Variants in HGF observed in about 807,000 individuals in gnomAD.
HGF encodes fibroblast-derived tumor cytotoxic factor.
A neutral mutation model predicts 111.6 loss-of-function variants in HGF; 39 were observed. The ratio of observed to expected loss-of-function variants is 0.35; its 90% CI spans 0.27 to 0.46. HGF has a LOEUF of 0.46. HGF is among the 20% of genes least tolerant of loss of function. The pLI is 1.00. For missense variants in HGF, 735 were observed against 910.5 expected (o/e 0.81, Z 2.48); for synonymous variants, 285 against 294.8 (o/e 0.97, Z 0.34).
intron 2 of HGF, among the ~76,000 whole-genome samples, chr7:81,761,885 C>A (rs201717646): frequency 6.6e-6 from 1 of 152,044 alleles, no homozygotes; most frequent in African/African-American, 2.4e-5. Flanking sequence ...TCATAAGGAG[C>A]GCACACCCTA....
rs567770653 is a variant in HGF, at chr7:81,741,135, C to T, written c.865+2218G>A. ...ATTTCATCCACTTTAATAGAAGTAT[C>T]GTCTCTTTATAGTCATATCTATATC... On this transcript the variant is annotated intron_variant, in intron 7 of 17. Coordinates refer to ENST00000222390, the MANE Select transcript of HGF (RefSeq NM_000601.6). 3.2e-4 allele frequency among the ~76,000 whole-genome samples: 49 copies of T among 152,172 alleles called. No homozygotes were observed. The South Asian group carries it at 9.6e-3, about 30-fold the overall frequency.
chr7:81,719,350 T>C (rs1251755705), intron 10 of HGF, among the ~76,000 whole-genome samples: 1 of 152,148 alleles, frequency 6.6e-6, no homozygotes, highest in East Asian at 1.9e-4. Flanking sequence ...CCTGTTTGCT[T>C]GCATCCCACA....
intron 3 of HGF, 126 bp from the exon 4 acceptor site, chr7:81,757,429 C>A: frequency 4.5e-6 from 3 of 663,092 alleles, no homozygotes; most frequent in Non-Finnish European, 8.2e-6. Context: ...ATTGAAATTT[C>A]TTGCCTAAAG....
chr7:81,720,745 C>G lies in HGF; in HGVS notation c.1271G>C (p.Arg424Pro). 1 of 1,571,450 alleles carries G rather than the reference C, an allele frequency of 6.4e-7. No individual in the cohort carries two copies. Among genetic ancestry groups the G allele is most frequent in the South Asian group, 1.1e-5 (1 of 90,200 alleles). The change falls in exon 10 of 18, where the codon CGT becomes CCT. Residue 424 changes from arginine to proline, a missense_variant and splice_region_variant. Physicochemically the swap from Arg to Pro is moderately radical, Grantham distance 103 (BLOSUM62 -2). This residue lies in a region of HGF where 553 missense variants were observed against 685.6 expected (regional missense o/e 0.81). Transcript: ENST00000222390. ...TATTGAAAGGAAGAAATTTACACAC[C>G]GATGTAAGTCTTCCATGTTCTTGTC... The part of the protein sequence containing the change: ...MWDKNMEDLH[R>P]HIFWEPDASK...
chr7:81,717,757 A>AT (rs1242176577), intron 10 of HGF, among the ~76,000 whole-genome samples: 1 of 152,108 alleles, frequency 6.6e-6, no homozygotes, highest in Non-Finnish European at 1.5e-5. Flanking sequence ...TTATACAAGT[A>AT]TTTTTTTACA....
At chr7:81,768,783 G>A (rs1789490187) in intron 1 of HGF, among the ~76,000 whole-genome samples, 1 of 152,090 alleles carries the variant, frequency 6.6e-6, no homozygotes. Flanking sequence ...TGCTTTCAGA[G>A]TGACCCTTTC....
chr7:81,763,870 A>G (rs972550689), intron 1 of HGF, among the ~76,000 whole-genome samples: 24 of 152,158 alleles, frequency 1.6e-4, no homozygotes, highest in Non-Finnish European at 8.8e-5. Flanking sequence ...AAACCAAGAC[A>G]TAGAAAAAAA....
chr7:81,742,881 ATTC>A (rs765232388), intron 7 of HGF: 1 of 1,610,324 alleles, frequency 6.2e-7, no homozygotes, highest in Admixed American at 1.7e-5. Flanking sequence ...TAGACTCATT[ATTC>A]TTCACTGCAG....
Position 81,757,185 on chromosome 7 carries a change from T to C in HGF, c.482+4A>G. 1 of 1,409,440 alleles carries C rather than the reference T, an allele frequency of 7.1e-7. No homozygotes were observed. The highest frequency in any genetic ancestry group is 1.0e-6 in the Non-Finnish European group (1 of 993,234). 87.3% of individuals were successfully genotyped at this position (1,409,440 alleles called of 1,614,324 possible). A position where few individuals can be genotyped will look rare whatever the true frequency, so the allele number is the denominator to read the frequency against. ...TTCATCTCTTTTCTTCATACTGTTC[T>C]TACCTGTGTTCGTGTGGTATCATGG... On this transcript the variant is annotated splice_donor_region_variant and intron_variant, in intron 4 of 17. Coordinates refer to ENST00000222390, the MANE Select transcript of HGF (RefSeq NM_000601.6).
chr7:81,768,972 C>A (rs944092370), intron 1 of HGF, among the ~76,000 whole-genome samples: 2 of 152,154 alleles, frequency 1.3e-5, no homozygotes, highest in African/African-American at 4.8e-5. Flanking sequence ...ACAGCCAGTT[C>A]TCTTTTTTAT....
At chr7:81,750,682 A>G (rs1449638583) in intron 5 of HGF, among the ~76,000 whole-genome samples, 1 of 152,156 alleles carries the variant, frequency 6.6e-6, no homozygotes, top group African/African-American at 2.4e-5. Flanking sequence ...CCAGGCAGGT[A>G]ACGAAAATAG....
At chr7:81,740,617 G>A (rs1787970346) in intron 7 of HGF, among the ~76,000 whole-genome samples, 1 of 152,218 alleles carries the variant, frequency 6.6e-6, no homozygotes, top group African/African-American at 2.4e-5. Context: ...CTCTTTAAAA[G>A]AGAGTCTGGA....
At chr7:81,741,460 C>G (rs1291005637) in intron 7 of HGF, among the ~76,000 whole-genome samples, 2 of 152,044 alleles carry the variant, frequency 1.3e-5, no homozygotes, top group Non-Finnish European at 2.9e-5. Flanking sequence ...CTCTCTCAGT[C>G]TCTTTTTAAA....
chr7:81,707,428 C>T, intron 13 of HGF, 64 bp from the exon 14 acceptor site: 1 of 917,452 alleles, frequency 1.1e-6, no homozygotes, highest in South Asian at 1.3e-5. Context: ...CCAATTAATG[C>T]AAAGCCTGTG....
At chr7:81,755,356 A>C (rs1788709439) in intron 4 of HGF, 1 of 152,136 alleles carries the variant, frequency 6.6e-6, no homozygotes, top group Non-Finnish European at 1.5e-5. Context: ...CAGATATTCC[A>C]ATAAGCTGCT....
intron 1 of HGF, among the ~76,000 whole-genome samples, chr7:81,767,359 T>C (rs951234230): frequency 1.3e-5 from 2 of 152,102 alleles, no homozygotes; most frequent in Non-Finnish European, 2.9e-5. Context: ...GCTCTGTCCC[T>C]TAACTCACAA....
At chr7:81,761,695 CA>C (rs1789089564) in intron 2 of HGF, among the ~76,000 whole-genome samples, 1 of 147,660 alleles carries the variant, frequency 6.8e-6, no homozygotes, top group African/African-American at 2.5e-5. Flanking sequence ...TAGCCCAAAA[CA>C]AAGAGTTTTA....
intron 7 of HGF, among the ~76,000 whole-genome samples, chr7:81,731,459 A>G (rs1187663975): frequency 6.6e-6 from 1 of 152,164 alleles, no homozygotes; most frequent in Non-Finnish European, 1.5e-5. Flanking sequence ...GATGATATAT[A>G]TTGATTTTAG....
chr7:81,717,003 TC>T (rs1329601284), intron 11 of HGF, among the ~76,000 whole-genome samples: 1 of 152,128 alleles, frequency 6.6e-6, no homozygotes, highest in African/African-American at 2.4e-5. Context: ...GAAGAGAATC[TC>T]CATTAAAATG....
Sources: gnomAD v4.1 joint callset for allele counts (sites outside exome capture counted in the v4.1 genomes callset) on GRCh38, gnomAD v4.1.1 for gene constraint, gnomAD v4.1.1 regional missense constraint, MANE v1.5 for transcripts, NCBI Gene and HGNC (gene_info 2026-07-23, HGNC 2026-07-21) for gene names.